The following IQCH variants were observed in gnomAD, a reference collection of about 807,000 sequenced individuals.
IQCH encodes IQ motif containing H.
IQCH carries 98 observed loss-of-function variants against 117.0 expected under a neutral mutation model. That is an observed-to-expected ratio of 0.84 (90% CI 0.71 to 0.99). The LOEUF is 0.99. Ranked by LOEUF, IQCH falls within the 50% of genes least tolerant of loss-of-function variation. IQCH has a pLI of 0.00. For missense variants in IQCH, 1,102 were observed against 1,243.8 expected (o/e 0.89, Z 1.72); for synonymous variants, 412 against 448.2 (o/e 0.92, Z 1.02).
intron 8 of IQCH, among the ~76,000 whole-genome samples, chr15:67,362,802 A>T (rs1970191099): frequency 6.6e-6 from 1 of 152,220 alleles, no homozygotes; most frequent in South Asian, 2.1e-4. Flanking sequence ...TTGCTATCAA[A>T]CTATATGGTA....
intron 4 of IQCH, among the ~76,000 whole-genome samples, chr15:67,290,507 T>C (rs1257161760): frequency 6.6e-6 from 1 of 152,080 alleles, no homozygotes; most frequent in African/African-American, 2.4e-5. Context: ...CACAATTGCA[T>C]CACAGCTTAC....
intron 3 of IQCH, among the ~76,000 whole-genome samples, chr15:67,268,313 CA>C (rs1965761513): frequency 6.6e-6 from 1 of 152,200 alleles, no homozygotes; most frequent in Non-Finnish European, 1.5e-5. Context: ...AGGACGTTGT[CA>C]AAAGAGCTCA....
At chr15:67,255,691 C>T (rs967203583) in intron 1 of IQCH, among the ~76,000 whole-genome samples, 1 of 152,198 alleles carries the variant, frequency 6.6e-6, no homozygotes, top group African/African-American at 2.4e-5. Context: ...TGTCTAAGGT[C>T]ACTCTGTCAG....
rs770456772 is a variant in IQCH, at chr15:67,336,938, CA to C, written c.388-32del. 8.1e-6 allele frequency: 13 copies of C among 1,608,154 alleles called. No individual in the cohort carries two copies. The African/African-American group carries it at 1.3e-4, about 17-fold the overall frequency. ...AGAAGAAAACTGTTCACTGTGAAGG[CA>C]AAAATGTTTGCTGAAACAAATTTTT... On this transcript the variant is annotated intron_variant, in intron 4 of 20. Coordinates refer to ENST00000335894, the MANE Select transcript of IQCH (RefSeq NM_001031715.3).
Position 67,359,978 on chromosome 15 carries a change from C to T in IQCH, c.753+93C>T. On this transcript the variant is annotated intron_variant, in intron 8 of 20. Coordinates refer to ENST00000335894, the MANE Select transcript of IQCH (RefSeq NM_001031715.3). The surrounding 1 kb of genome is among the most constrained non-coding windows in gnomAD (Gnocchi z 4.5). ...GGCAAGAGTATGGGTGACTGCTTGACAGCTGGAGATGGCAACAAAAGTTCG... is the reference window on the plus strand; with the variant it reads ...GGCAAGAGTATGGGTGACTGCTTGATAGCTGGAGATGGCAACAAAAGTTCG... 1 of 921,310 alleles carries T rather than the reference C, an allele frequency of 1.1e-6. No individual in the cohort carries two copies. The highest frequency in any genetic ancestry group is 1.7e-6 in the Non-Finnish European group (1 of 583,884). 57.1% of individuals were successfully genotyped at this position (921,310 alleles called of 1,614,324 possible).
rs1410686199 is a variant in IQCH, at chr15:67,391,381, T to G, written c.1632+2375T>G. On this transcript the variant is annotated intron_variant, in intron 12 of 20. Transcript: ENST00000335894. The surrounding 1 kb of genome is among the most constrained non-coding windows in gnomAD (Gnocchi z 4.3). ...TTTGTTGTTAATGGGTTTGAGAGAT[T>G]GTATCAGTGCTGATTTTCATTTAAA... Among the ~76,000 whole-genome samples, 5 of 152,230 alleles carry G rather than the reference T, an allele frequency of 3.3e-5. No individual in the cohort carries two copies. The highest frequency in any genetic ancestry group is 2.0e-4 in the Admixed American group (3 of 15,286).
chr15:67,322,156 C>T lies in IQCH; in HGVS notation c.388-14819C>T, dbSNP rs192699659. Among the ~76,000 whole-genome samples the T allele has an allele frequency of 1.6e-4, 24 of 152,266 alleles. No homozygotes were observed. In the East Asian group the frequency reaches 3.9e-3, roughly 24 times the overall value. ...GTGTTAATATTATTAGAGACATTCA[C>T]ATTTATTATTGTTGTGTTTTCCTGG... is the stretch of plus-strand genomic sequence containing the variant. On this transcript the variant is annotated intron_variant, in intron 4 of 20. Transcript: ENST00000335894.
intron 2 of IQCH, among the ~76,000 whole-genome samples, chr15:67,262,838 C>T (rs1380283138): frequency 6.6e-6 from 1 of 151,942 alleles, no homozygotes; most frequent in Non-Finnish European, 1.5e-5. Context: ...TGAGACATCA[C>T]TCCACTGCCC....
At chr15:67,313,109 C>T (rs1967680376) in intron 4 of IQCH, among the ~76,000 whole-genome samples, 1 of 151,958 alleles carries the variant, frequency 6.6e-6, no homozygotes, top group South Asian at 2.1e-4. Context: ...GGCAATATGA[C>T]CTGAAAATAC....
intron 3 of IQCH, among the ~76,000 whole-genome samples, chr15:67,277,684 C>T (rs944920611): frequency 2.6e-5 from 4 of 152,092 alleles, no homozygotes; most frequent in African/African-American, 9.7e-5. Context: ...CAGGCACATG[C>T]CACCACGCCT....
In IQCH at chr15:67,370,805, C is replaced by T. The variant is rs535667703; in HGVS notation, c.754-1306C>T. 6.6e-6 allele frequency among the ~76,000 whole-genome samples: 1 copy of T among 152,262 alleles called. No individual in the cohort carries two copies. Among genetic ancestry groups the T allele is most frequent in the South Asian group, 2.1e-4 (1 of 4,826 alleles). On this transcript the variant is annotated intron_variant, in intron 8 of 20. Coordinates refer to ENST00000335894, the MANE Select transcript of IQCH (RefSeq NM_001031715.3). The surrounding 1 kb of genome is among the most constrained non-coding windows in gnomAD (Gnocchi z 5.6). Reference sequence around the variant, plus strand: ...CTTCTAAAGTGAAAGGAAATTTGCACTTTTGGACTTAACACTTGTTTTTCA... The same window carrying T: ...CTTCTAAAGTGAAAGGAAATTTGCATTTTTGGACTTAACACTTGTTTTTCA...
chr15:67,442,000 TATCC>T (rs1185374309), intron 16 of IQCH, among the ~76,000 whole-genome samples: 10 of 152,188 alleles, frequency 6.6e-5, no homozygotes, highest in Admixed American at 1.3e-4. Context: ...AAAGGACTAA[TATCC>T]AGAATCTACA....
intron 1 of IQCH, among the ~76,000 whole-genome samples, chr15:67,257,875 C>A (rs1205682509): frequency 6.6e-6 from 1 of 152,200 alleles, no homozygotes; most frequent in Non-Finnish European, 1.5e-5. Flanking sequence ...GCTCAATTGA[C>A]AGTTTGCTAT....
intron 4 of IQCH, among the ~76,000 whole-genome samples, chr15:67,312,821 T>A (rs1199458899): frequency 6.6e-6 from 1 of 152,178 alleles, no homozygotes; most frequent in Non-Finnish European, 1.5e-5. Flanking sequence ...TGGTCCAGGT[T>A]AATTATCTAC....
rs2083823276 is a variant in IQCH at position 67,496,751 on chromosome 15, G to A, written c.2970+2385G>A. ...GTAAAAGTATCGGCCGGGCACGGTG[G>A]CTCACGCCTGTAATCCCAGCACTTT... On this transcript the variant is annotated intron_variant, in intron 20 of 20. Transcript: ENST00000335894. This position sits in a 1 kb window ranked among gnomAD's most constrained non-coding sequence, Gnocchi z 4.4. 6.6e-6 allele frequency among the ~76,000 whole-genome samples: 1 copy of A among 152,076 alleles called. No homozygotes were observed. Among genetic ancestry groups the A allele is most frequent in the African/African-American group, 2.4e-5 (1 of 41,412 alleles).
Position 67,500,737 on chromosome 15 carries a change from CA to C in IQCH, c.3077del (p.Lys1026ArgfsTer26). The C allele has an allele frequency of 5.2e-6, 8 of 1,549,958 alleles. No individual in the cohort carries two copies. Among genetic ancestry groups the C allele is most frequent in the Non-Finnish European group, 7.1e-6 (8 of 1,130,106 alleles). On this transcript the variant is annotated frameshift_variant, in exon 21 of 21. Coordinates refer to ENST00000335894, the MANE Select transcript of IQCH (RefSeq NM_001031715.3). LOFTEE classifies it high-confidence loss of function. The surrounding 1 kb of genome is among the most constrained non-coding windows in gnomAD (Gnocchi z 4.4). Reference sequence around the variant, plus strand: ...AAGATGATAAAAACCTCTCTAAACCCAAGAAATGATCCTGGAATACAGTACA... The same window carrying C: ...AAGATGATAAAAACCTCTCTAAACCCAGAAATGATCCTGGAATACAGTACA... ...SKDDKNLSKP[K>X]K
At chr15:67,492,480 GGAGGTCATCCT>G (rs1216519372) in intron 19 of IQCH, among the ~76,000 whole-genome samples, 1 of 152,162 alleles carries the variant, frequency 6.6e-6, no homozygotes, top group East Asian at 1.9e-4. Context: ...TCAGATGCGT[GGAGGTCATCCT>G]GAGAAGCAAC....
At position 67,475,724 on chromosome 15, in the gene IQCH, T is replaced by G; in HGVS notation, c.2705T>G (p.Met902Arg). The G allele has an allele frequency of 6.2e-7, 1 of 1,614,094 alleles. No individual in the cohort carries two copies. Among genetic ancestry groups the G allele is most frequent in the Non-Finnish European group, 8.5e-7 (1 of 1,179,898 alleles). ...PMLATSRYAVMTTQLRHSNLS... is the reference protein window; with the variant it reads ...PMLATSRYAVRTTQLRHSNLS... ...CTGGCAACCAGTCGCTATGCAGTGA[T>G]GACCACCCAGCTAAGACACAGCAAT... Residue 902 changes from methionine (M) to arginine (R), a missense_variant, in exon 18 of 21, where the codon ATG (methionine) becomes AGG (arginine). By Grantham distance (91) the Met-to-Arg change is moderately conservative. Around this residue, in one of 2 missense-constraint regions of IQCH, gnomAD observed 650 missense variants for 794.3 expected, o/e 0.82. Transcript: ENST00000335894. The surrounding 1 kb of genome is among the most constrained non-coding windows in gnomAD (Gnocchi z 5.7).
intron 4 of IQCH, among the ~76,000 whole-genome samples, chr15:67,316,440 C>A (rs1004700186): frequency 6.6e-6 from 1 of 152,140 alleles, no homozygotes; most frequent in Non-Finnish European, 1.5e-5. Context: ...AGCATTTAAT[C>A]TAAACATTTA....
Sources: gnomAD v4.1 joint callset for allele counts (sites outside exome capture counted in the v4.1 genomes callset) on GRCh38, gnomAD v4.1.1 for gene constraint, gnomAD v4.1.1 regional missense constraint, Gnocchi (gnomAD v3.1) non-coding constraint, MANE v1.5 for transcripts, NCBI Gene and HGNC (gene_info 2026-07-23, HGNC 2026-07-21) for gene names.